Variants in MYT1L observed in about 807,000 individuals in gnomAD.
The protein encoded by MYT1L is myelin transcription factor 1 like.
Under a neutral mutation model 126.7 loss-of-function variants are expected in MYT1L, and 12 were observed. The observed-to-expected ratio is 0.09, with a 90% CI of 0.06 to 0.15. The LOEUF is 0.15. Among genes scored for constraint, MYT1L ranks in the 10% least tolerant of loss-of-function variants. The pLI, the probability that MYT1L is intolerant of heterozygous loss-of-function variation, is 1.00. For synonymous variants in MYT1L, 541 were observed against 604.2 expected (o/e 0.90, Z 1.53); for missense variants, 979 against 1,585.2 (o/e 0.62, Z 6.49).
chr2:2,027,142 C>A (rs546929784), intron 4 of MYT1L, among the ~76,000 whole-genome samples: 4 of 152,310 alleles, frequency 2.6e-5, no homozygotes, highest in South Asian at 4.1e-4. Flanking sequence ...ACAGACTGAG[C>A]CGCCCCTGAG....
chr2:2,326,842 G>C (rs1211318387), intron 1 of MYT1L: 1 of 152,134 alleles, frequency 6.6e-6, no homozygotes, highest in South Asian at 2.1e-4. Flanking sequence ...AAAAATCACT[G>C]TGTATGCTTG....
intron 24 of MYT1L, 99 bp downstream of exon 24, chr2:1,792,221 AG>A: frequency 1.4e-6 from 2 of 1,422,126 alleles, no homozygotes; most frequent in Non-Finnish European, 1.9e-6. Flanking sequence ...CATTTGCCAA[AG>A]GCTGAAGAAC....
At position 1,961,741 on chromosome 2, in the gene MYT1L, G is replaced by A. The variant is rs571140188; in HGVS notation, c.152+17424C>T. The stretch of plus-strand genomic sequence containing the variant: ...TAGAACTTGAGTACAGGCAGGCCTC[G>A]GAGACGTGGTTCCAAACACTGCAAT... On this transcript the variant is annotated intron_variant, in intron 8 of 24. Transcript: ENST00000647738. Among the ~76,000 whole-genome samples the A allele has an allele frequency of 7.7e-4, 117 of 152,308 alleles. 1 individual carries two copies. The highest frequency in any genetic ancestry group is 3.4e-3 in the Middle Eastern group (1 of 294).
chr2:2,076,788 T>G (rs1210174854), intron 3 of MYT1L, among the ~76,000 whole-genome samples: 10 of 141,612 alleles, frequency 7.1e-5, no homozygotes. Context: ...GCATGAGAGA[T>G]ACAAAGAAAC....
rs73911327 is a variant in MYT1L, at chr2:2,078,106, T to C, written c.-303-23983A>G. Among the ~76,000 whole-genome samples the C allele has an allele frequency of 8.7e-3, 1,326 of 152,284 alleles. 21 individuals carry two copies. The highest frequency in any genetic ancestry group is 0.027 in the African/African-American group (1,109 of 41,556). Reference sequence around the variant, plus strand: ...TTTTTAACTATGTTTGAAACAAAGTTAGTATTAGTCTGAACTAGGTTGCTT... The same window carrying C: ...TTTTTAACTATGTTTGAAACAAAGTCAGTATTAGTCTGAACTAGGTTGCTT... On this transcript the variant is annotated intron_variant, in intron 3 of 24. Transcript: ENST00000647738.
chr2:1,984,121 C>T (rs2060822719), intron 5 of MYT1L, among the ~76,000 whole-genome samples: 1 of 152,120 alleles, frequency 6.6e-6, no homozygotes, highest in Non-Finnish European at 1.5e-5. Context: ...CATTTGGACT[C>T]AGGATTTATT....
intron 2 of MYT1L, among the ~76,000 whole-genome samples, chr2:2,208,294 T>C (rs7587191): frequency 0.16 from 24,591 of 152,162 alleles, 2,133 homozygotes; most frequent in African/African-American, 0.22. Context: ...GTTTTAAAAG[T>C]CACTTTTTAA....
At chr2:2,073,825 C>T (rs968256061) in intron 3 of MYT1L, among the ~76,000 whole-genome samples, 2 of 152,082 alleles carry the variant, frequency 1.3e-5, no homozygotes, top group Non-Finnish European at 2.9e-5. Context: ...CTTAGGTGTC[C>T]CTCCATTTCC....
intron 2 of MYT1L, among the ~76,000 whole-genome samples, chr2:2,272,519 T>C (rs1277971447): frequency 6.6e-6 from 1 of 152,158 alleles, no homozygotes; most frequent in Admixed American, 6.5e-5. Context: ...CAAAACAAAC[T>C]GGCCTCTCAG....
At chr2:2,110,504 T>C (rs1020954157) in intron 3 of MYT1L, among the ~76,000 whole-genome samples, 2 of 152,002 alleles carry the variant, frequency 1.3e-5, no homozygotes, top group African/African-American at 2.4e-5. Context: ...TCTCACTCGA[T>C]TGGCTCTTCT....
Position 1,811,916 on chromosome 2 carries a change from T to C in MYT1L, c.3081-2749A>G, listed in dbSNP as rs2036726553. 6.6e-6 allele frequency among the ~76,000 whole-genome samples: 1 copy of C among 152,212 alleles called. No homozygotes were observed. Among genetic ancestry groups the C allele is most frequent in the Admixed American group, 6.5e-5 (1 of 15,286 alleles). On this transcript the variant is annotated intron_variant, in intron 21 of 24. Transcript: ENST00000647738. The surrounding 1 kb of genome is among the most constrained non-coding windows in gnomAD (Gnocchi z 4.4). Reference sequence around the variant, plus strand: ...CGGCTGGGGTGGGGGCTGACACTTCTGCTTCCCTAGCTTATCCGTAAATCT... The same window carrying C: ...CGGCTGGGGTGGGGGCTGACACTTCCGCTTCCCTAGCTTATCCGTAAATCT...
rs543634687 is a variant in MYT1L at position 2,187,321 on chromosome 2, A to G, written c.-420-14333T>C. Among the ~76,000 whole-genome samples the G allele has an allele frequency of 8.5e-5, 13 of 152,210 alleles. No individual in the cohort carries two copies. The South Asian group carries it at 1.7e-3, about 19-fold the overall frequency. The stretch of plus-strand genomic sequence containing the variant: ...CTGGCACTCCAGCAATCACGGGCAC[A>G]ATGCAGAGTGGGTCGAATTCAGGTG... On this transcript the variant is annotated intron_variant, in intron 2 of 24. Transcript: ENST00000647738.
At chr2:1,998,241 G>C (rs1235673394) in intron 4 of MYT1L, among the ~76,000 whole-genome samples, 2 of 152,182 alleles carry the variant, frequency 1.3e-5, no homozygotes, top group African/African-American at 4.8e-5. Flanking sequence ...AAACCTCTCT[G>C]GGCTGTTTTG....
In MYT1L at chr2:1,836,573, C is replaced by T. The variant is rs564237389; in HGVS notation, c.3080+2576G>A. On this transcript the variant is annotated intron_variant, in intron 21 of 24. Transcript: ENST00000647738. ...GCCTGTGCCCCAAAATTCTATCAGC[C>T]CGCCCCCAATATTCCATCAGCCTGT... Among the ~76,000 whole-genome samples, 25 of 150,568 alleles carry T rather than the reference C, an allele frequency of 1.7e-4. No homozygotes were observed. The South Asian group carries it at 5.1e-3, about 31-fold the overall frequency.
rs71276816 is a variant in MYT1L at position 1,934,307 on chromosome 2, T to TATATATATATATATATATATATATACAC, written c.505+8674_505+8675insGTGTATATATATATATATATATATATAT. 6.5e-3 allele frequency among the ~76,000 whole-genome samples: 854 copies of TATATATATATATATATATATATATACAC among 131,850 alleles called. 28 individuals are homozygous for TATATATATATATATATATATATATACAC. Among genetic ancestry groups the TATATATATATATATATATATATATACAC allele is most frequent in the African/African-American group, 0.019 (697 of 36,274 alleles). 86.5% of individuals were successfully genotyped at this position (131,850 alleles called of 152,430 possible). ...TTTTTATAACATATATATATATATA[T>TATATATATATATATATATATATATACAC]ACAACCTCATATATGTAATTTATAG... On this transcript the variant is annotated intron_variant, in intron 9 of 24. Coordinates refer to ENST00000647738, the MANE Select transcript of MYT1L (RefSeq NM_001303052.2).
intron 3 of MYT1L, among the ~76,000 whole-genome samples, chr2:2,143,467 G>C (rs930492650): frequency 6.6e-6 from 1 of 152,122 alleles, no homozygotes; most frequent in Non-Finnish European, 1.5e-5. Flanking sequence ...CTATTGGTCA[G>C]GGATTCCCTT....
intron 13 of MYT1L, among the ~76,000 whole-genome samples, chr2:1,909,123 C>T (rs936435208): frequency 6.6e-6 from 1 of 152,094 alleles, no homozygotes; most frequent in Non-Finnish European, 1.5e-5. Flanking sequence ...AAATAATTTA[C>T]TTTTTTATTT....
At chr2:2,072,777 T>G (rs2150245223) in intron 3 of MYT1L, among the ~76,000 whole-genome samples, 1 of 152,330 alleles carries the variant, frequency 6.6e-6, no homozygotes, top group South Asian at 2.1e-4. Flanking sequence ...AAGTTCCTAC[T>G]CGTCCTTCTC....
chr2:2,178,121 A>G (rs141159120), intron 2 of MYT1L, among the ~76,000 whole-genome samples: 1 of 152,320 alleles, frequency 6.6e-6, no homozygotes, highest in South Asian at 2.1e-4. Context: ...TGATTGCCAA[A>G]GAAAATCCAT....
Sources: gnomAD v4.1 joint callset for allele counts (sites outside exome capture counted in the v4.1 genomes callset) on GRCh38, gnomAD v4.1.1 for gene constraint, Gnocchi (gnomAD v3.1) non-coding constraint, MANE v1.5 for transcripts, NCBI Gene and HGNC (gene_info 2026-07-23, HGNC 2026-07-21) for gene names.